The following CDH1 variants were observed in gnomAD, a reference collection of about 807,000 sequenced individuals.
CDH1 encodes cadherin-1.
A neutral mutation model predicts 84.5 loss-of-function variants in CDH1; 35 were observed. The observed-to-expected ratio is 0.41, with a 90% CI of 0.32 to 0.55. The LOEUF is 0.55. Among genes scored for constraint, CDH1 ranks in the 20% least tolerant of loss-of-function variants. The pLI is 0.19. For synonymous variants in CDH1, 417 were observed against 439.0 expected, an observed-to-expected ratio of 0.95 and a Z score of 0.63; for missense variants, 994 against 1,126.6, an observed-to-expected ratio of 0.88 and a Z score of 1.68.
intron 8 of CDH1, among the ~76,000 whole-genome samples, 154 bp downstream of exon 8, chr16:68,812,417 A>G (rs1301787450): frequency 6.6e-6 from 1 of 152,254 alleles, no homozygotes; most frequent in Non-Finnish European, 1.5e-5. Flanking sequence ...TTGAGATGGC[A>G]GTTGTCTTTT....
At chr16:68,778,924 T>C (rs1337226438) in intron 2 of CDH1, among the ~76,000 whole-genome samples, 1 of 152,140 alleles carries the variant, frequency 6.6e-6, no homozygotes, top group Admixed American at 6.6e-5. Flanking sequence ...TGCCCTCTCA[T>C]GTCAGAAGGC....
intron 9 of CDH1, 88 bp from the exon 10 acceptor site, chr16:68,815,426 AC>A (rs1870318099): frequency 3.9e-6 from 6 of 1,547,436 alleles, no homozygotes; most frequent in Non-Finnish European, 2.6e-6. Context: ...CTAATATATT[AC>A]CAAAAGCAAC....
chr16:68,797,461 T>A (rs1321861291), intron 2 of CDH1, among the ~76,000 whole-genome samples: 1 of 152,186 alleles, frequency 6.6e-6, no homozygotes, highest in Admixed American at 6.5e-5. Flanking sequence ...AGCGGGAAGA[T>A]GGCTTGAGCC....
At chr16:68,774,253 G>C (rs373574233) in intron 2 of CDH1, among the ~76,000 whole-genome samples, 5 of 152,128 alleles carry the variant, frequency 3.3e-5, no homozygotes, top group African/African-American at 1.2e-4. Flanking sequence ...GGCTGGGTGC[G>C]GTCGCTCATG....
rs1256831205 is a variant in CDH1 at position 68,834,855 on chromosome 16, G to GTCC, written c.*1356_*1357insTCC. ...AGACAGAGCGGAACTATGAAAAGTGGGCTTGGAGATGGCAGGAGAGCTTGT... is the reference window on the plus strand; with the variant it reads ...AGACAGAGCGGAACTATGAAAAGTGGTCCGCTTGGAGATGGCAGGAGAGCTTGT... On this transcript the variant is annotated 3_prime_UTR_variant, in exon 16 of 16. Transcript: ENST00000261769. 5.2e-5 allele frequency: 12 copies of GTCC among 232,606 alleles called. No homozygotes were observed. The highest frequency in any genetic ancestry group is 2.7e-4 in the African/African-American group (12 of 45,272). The allele number at this position is 232,606 out of a possible 1,614,324, so 14.4% of individuals were successfully genotyped here.
chr16:68,739,484 T>C (rs1039961269), intron 2 of CDH1, among the ~76,000 whole-genome samples: 10 of 152,162 alleles, frequency 6.6e-5, no homozygotes, highest in Non-Finnish European at 8.8e-5. Flanking sequence ...ATGCTGGTGT[T>C]GAACTCTTGG....
intron 3 of CDH1, among the ~76,000 whole-genome samples, chr16:68,803,209 G>C (rs1279589687): frequency 6.6e-6 from 1 of 152,044 alleles, no homozygotes; most frequent in Non-Finnish European, 1.5e-5. Context: ...GAACTTAATG[G>C]TCCTCCCGAT....
chr16:68,805,540 T>C (rs1960633262), intron 3 of CDH1, among the ~76,000 whole-genome samples: 1 of 152,232 alleles, frequency 6.6e-6, no homozygotes, highest in South Asian at 2.1e-4. Flanking sequence ...TCAGTGCCCA[T>C]GTGCTCACCA....
chr16:68,739,683 C>T (rs1285575919), intron 2 of CDH1, among the ~76,000 whole-genome samples: 2 of 140,978 alleles, frequency 1.4e-5, no homozygotes, highest in African/African-American at 2.7e-5. Context: ...GGCGTGATCT[C>T]GGCTCACTGC....
At chr16:68,825,320 C>T (rs949058816) in intron 13 of CDH1, among the ~76,000 whole-genome samples, 4 of 152,110 alleles carry the variant, frequency 2.6e-5, no homozygotes, top group Non-Finnish European at 4.4e-5. Context: ...GAAGGTTCCC[C>T]TCCTAGCAAA....
At chr16:68,831,110 G>A (rs1380993650) in intron 15 of CDH1, among the ~76,000 whole-genome samples, 1 of 110,104 alleles carries the variant, frequency 9.1e-6, no homozygotes, top group African/African-American at 3.6e-5. Context: ...ACAGAGTCTT[G>A]CTCTGTCGCC....
chr16:68,815,437 C>CG, intron 9 of CDH1, 78 bp from the exon 10 acceptor site: 1 of 1,579,924 alleles, frequency 6.3e-7, no homozygotes, highest in Non-Finnish European at 8.6e-7. Context: ...CCAAAAGCAA[C>CG]AGTTAAGGAT....
At chr16:68,745,566 A>ATATATATATATATATG (rs1383984119) in intron 2 of CDH1, among the ~76,000 whole-genome samples, 14 of 18,806 alleles carry the variant, frequency 7.4e-4, no homozygotes, top group African/African-American at 1.5e-3. Flanking sequence ...ATATATATGT[A>ATATATATATATATATG]TATATATATG....
chr16:68,793,412 G>A (rs1287250391), intron 2 of CDH1, among the ~76,000 whole-genome samples: 1 of 152,130 alleles, frequency 6.6e-6, no homozygotes, highest in African/African-American at 2.4e-5. Flanking sequence ...CTCTCCAACT[G>A]TCCTATTCTT....
chr16:68,741,155 G>A (rs1567472767), intron 2 of CDH1, among the ~76,000 whole-genome samples: 1 of 151,986 alleles, frequency 6.6e-6, no homozygotes, highest in Admixed American at 6.6e-5. Context: ...CTCTGGTGTG[G>A]TTGGTTTCAG....
chr16:68,766,796 C>T (rs1403124994), intron 2 of CDH1, among the ~76,000 whole-genome samples: 5 of 151,228 alleles, frequency 3.3e-5, no homozygotes, highest in Non-Finnish European at 5.9e-5. Flanking sequence ...GGTGTGATCT[C>T]GGCTCACTAC....
chr16:68,790,400 G>T (rs1375750917), intron 2 of CDH1, among the ~76,000 whole-genome samples: 1 of 152,142 alleles, frequency 6.6e-6, no homozygotes, highest in Non-Finnish European at 1.5e-5. Context: ...AGTTCCTAGA[G>T]TTGCCCAACC....
chr16:68,804,996 A>ATTTTTTTTTTT (rs71148951), intron 3 of CDH1, among the ~76,000 whole-genome samples: 2 of 89,698 alleles, frequency 2.2e-5, no homozygotes, highest in African/African-American at 4.8e-5. Flanking sequence ...TGCCCAGCTA[A>ATTTTTTTTTTT]TTTTTTTTTT....
chr16:68,773,588 T>C (rs1325428736), intron 2 of CDH1, among the ~76,000 whole-genome samples: 1 of 152,238 alleles, frequency 6.6e-6, no homozygotes. Flanking sequence ...CGTGAGCCAG[T>C]GCACCCAGCC....
Sources: allele counts gnomAD v4.1 joint callset (sites outside exome capture counted in the v4.1 genomes callset), GRCh38; gene constraint gnomAD v4.1.1; transcripts MANE v1.5; gene names NCBI Gene and HGNC (gene_info 2026-07-23, HGNC 2026-07-21).